COL15A1: variants seen among roughly 807,000 people sequenced by gnomAD.
The protein encoded by COL15A1 is collagen alpha-1(XV) chain.
Under a neutral mutation model 165.9 loss-of-function variants are expected in COL15A1, and 111 were observed. The observed-to-expected ratio is 0.67, with a 90% CI of 0.57 to 0.78. The LOEUF is 0.78. Among genes scored for constraint, COL15A1 ranks in the 30% least tolerant of loss-of-function variants. The pLI, the probability that COL15A1 is intolerant of heterozygous loss-of-function variation, is 0.00. For synonymous variants in COL15A1, 659 were observed against 674.8 expected, an observed-to-expected ratio of 0.98 and a Z score of 0.36; for missense variants, 1,745 against 1,789.7, an observed-to-expected ratio of 0.98 and a Z score of 0.45.
At chr9:99,057,388 A>G (rs1419702987) in intron 35 of COL15A1, among the ~76,000 whole-genome samples, 1 of 152,194 alleles carries the variant, frequency 6.6e-6, no homozygotes, top group African/African-American at 2.4e-5. Flanking sequence ...TGTCTTAATG[A>G]CCAGCAGTGA....
intron 26 of COL15A1, among the ~76,000 whole-genome samples, chr9:99,045,747 G>A (rs1839482875): frequency 6.6e-6 from 1 of 152,218 alleles, no homozygotes; most frequent in South Asian, 2.1e-4. Context: ...AGCCAGTCAG[G>A]CTTTAGGTCC....
chr9:99,008,306 G>A (rs763224834), intron 9 of COL15A1, among the ~76,000 whole-genome samples: 2 of 152,186 alleles, frequency 1.3e-5, no homozygotes, highest in Admixed American at 6.5e-5. Flanking sequence ...CTTACCACAG[G>A]TCAGGAACCT....
Position 98,944,024 on chromosome 9 carries a change from C to T in COL15A1, c.-38C>T. ...CGCTAAGCTCCAACGCTCTGCTCGA[C>T]TAGCCGCGCGCCTTCCGGGGCTCCG... On this transcript the variant is annotated 5_prime_UTR_variant, in exon 1 of 42. Coordinates refer to ENST00000375001, the MANE Select transcript of COL15A1 (RefSeq NM_001855.5). The T allele has an allele frequency of 6.2e-7, 1 of 1,613,430 alleles. No homozygotes were observed. Among genetic ancestry groups the T allele is most frequent in the Non-Finnish European group, 8.5e-7 (1 of 1,179,614 alleles).
At chr9:99,010,146 GGT>G (rs1162192013) in intron 9 of COL15A1, among the ~76,000 whole-genome samples, 1 of 152,202 alleles carries the variant, frequency 6.6e-6, no homozygotes, top group African/African-American at 2.4e-5. Context: ...AGGATCTGTA[GGT>G]GAGGCTTTAA....
At chr9:99,046,376 C>G (rs1207553054) in intron 26 of COL15A1, among the ~76,000 whole-genome samples, 1 of 152,218 alleles carries the variant, frequency 6.6e-6, no homozygotes, top group Non-Finnish European at 1.5e-5. Context: ...AGGCCCCACC[C>G]AAGACATACT....
At chr9:99,005,554 C>T (rs1330339349) in intron 9 of COL15A1, among the ~76,000 whole-genome samples, 2 of 152,184 alleles carry the variant, frequency 1.3e-5, no homozygotes. Context: ...CAAGTTCTTC[C>T]AGCTCAGCTG....
chr9:98,976,884 C>A (rs1838149950), intron 2 of COL15A1, among the ~76,000 whole-genome samples: 1 of 152,026 alleles, frequency 6.6e-6, no homozygotes, highest in Non-Finnish European at 1.5e-5. Flanking sequence ...GTGGGGGAAT[C>A]CAAGAAGACT....
rs977012177 is a variant in COL15A1, at chr9:98,962,527, A to AAC, written c.100+18287_100+18288dup. Among the ~76,000 whole-genome samples, 10 of 152,356 alleles carry AAC rather than the reference A, an allele frequency of 6.6e-5. No individual in the cohort carries two copies. The South Asian group carries it at 8.3e-4, about 13-fold the overall frequency. On this transcript the variant is annotated intron_variant, in intron 2 of 41. Coordinates refer to ENST00000375001, the MANE Select transcript of COL15A1 (RefSeq NM_001855.5). ...GGAACATTTTTATATTATTAAAACA[A>AAC]ACACACACACATGTTTGGAGTGGAA...
rs2118962446 is a variant in COL15A1 at position 99,006,527 on chromosome 9, G to T, written c.1353+1477G>T. 2.0e-5 allele frequency among the ~76,000 whole-genome samples: 3 copies of T among 152,328 alleles called. 1 individual carries two copies. In the Middle Eastern group the frequency reaches 0.01, roughly 518 times the overall value. ...CCATGCTGGGAGACCTTGCAGTGTG[G>T]CTGGGGGTGGAGGTGGGGGACATGC... On this transcript the variant is annotated intron_variant, in intron 9 of 41. Coordinates refer to ENST00000375001, the MANE Select transcript of COL15A1 (RefSeq NM_001855.5).
intron 9 of COL15A1, among the ~76,000 whole-genome samples, chr9:99,010,938 A>G (rs1009344343): frequency 6.6e-6 from 1 of 152,342 alleles, no homozygotes; most frequent in Non-Finnish European, 1.5e-5. Context: ...TCTATGGGGA[A>G]TATTATATTG....
chr9:98,987,482 C>T lies in COL15A1; in HGVS notation c.723+114C>T. The T allele has an allele frequency of 3.2e-6, 3 of 952,124 alleles. No homozygotes were observed. In the South Asian group the frequency reaches 5.0e-5, roughly 16 times the overall value. The allele number at this position is 952,124 out of a possible 1,614,324, so 59.0% of individuals were successfully genotyped here. On this transcript the variant is annotated intron_variant, in intron 4 of 41. Coordinates refer to ENST00000375001, the MANE Select transcript of COL15A1 (RefSeq NM_001855.5). The stretch of plus-strand genomic sequence containing the variant: ...TTTCTGAAACCTCTCATTTTGGCAA[C>T]TGCTGCCTCAAGTCCTATTTTGGGC...
Position 99,056,277 on chromosome 9 carries a change from A to G in COL15A1, c.3210A>G (p.Thr1070=). Residue 1070 remains threonine, a synonymous_variant, in exon 35 of 42, where the codon ACA becomes ACG. Coordinates refer to ENST00000375001, the MANE Select transcript of COL15A1 (RefSeq NM_001855.5). Reference sequence around the variant, plus strand: ...CTTGACAGGGCCAAAAAGGGGAGACAGTCGTTGGGCCCCAAGGACCCCCAG... The same window carrying G: ...CTTGACAGGGCCAAAAAGGGGAGACGGTCGTTGGGCCCCAAGGACCCCCAG... ...NPGPAGQKGE[T]VVGPQGPPGA... 4 of 1,614,246 alleles carry G rather than the reference A, an allele frequency of 2.5e-6. No homozygotes were observed. Among genetic ancestry groups the G allele is most frequent in the Non-Finnish European group, 3.4e-6 (4 of 1,180,032 alleles).
chr9:99,053,731 C>T (rs1203725606), intron 31 of COL15A1, among the ~76,000 whole-genome samples: 1 of 152,160 alleles, frequency 6.6e-6, no homozygotes, highest in Non-Finnish European at 1.5e-5. Flanking sequence ...CCCTACTGAC[C>T]CCCTGTTGAC....
chr9:98,958,356 C>T (rs572880646), intron 2 of COL15A1, among the ~76,000 whole-genome samples: 1 of 152,350 alleles, frequency 6.6e-6, no homozygotes, highest in East Asian at 1.9e-4. Flanking sequence ...CTGTTCATCT[C>T]ACTGCTGAGC....
intron 35 of COL15A1, 121 bp downstream of exon 35, chr9:99,056,525 T>C: frequency 3.0e-5 from 41 of 1,389,284 alleles, no homozygotes; most frequent in Non-Finnish European, 3.9e-5. Flanking sequence ...GATACCGCCT[T>C]CTTTCTTTTT....
chr9:99,050,007 T>C, intron 30 of COL15A1, 112 bp downstream of exon 30: 4 of 1,447,240 alleles, frequency 2.8e-6, no homozygotes, highest in Non-Finnish European at 3.8e-6. Flanking sequence ...CTCTCTGATG[T>C]CTTCTGTCCC....
intron 21 of COL15A1, 64 bp downstream of exon 21, chr9:99,036,460 G>T: frequency 1.3e-6 from 2 of 1,565,980 alleles, no homozygotes; most frequent in African/African-American, 1.4e-5. Context: ...GGAGGAGAAG[G>T]TTGTCCATGA....
intron 31 of COL15A1, among the ~76,000 whole-genome samples, chr9:99,054,147 G>A (rs916117838): frequency 5.9e-5 from 9 of 152,178 alleles, no homozygotes; most frequent in Non-Finnish European, 1.2e-4. Flanking sequence ...GGGCACTCTT[G>A]GGAGAGCCCT....
rs528918064 is a variant in COL15A1 at position 99,023,161 on chromosome 9, A to G, written c.1762-196A>G. Among the ~76,000 whole-genome samples, 3 of 152,318 alleles carry G rather than the reference A, an allele frequency of 2.0e-5. No individual in the cohort carries two copies. The South Asian group carries it at 6.2e-4, about 32-fold the overall frequency. On this transcript the variant is annotated intron_variant, in intron 13 of 41. Coordinates refer to ENST00000375001, the MANE Select transcript of COL15A1 (RefSeq NM_001855.5). ...GAGGCCGAGGACATGAGTGGGCTGCACAGCTGGGAGGCGGCAAGAGAGAAG... is the reference window on the plus strand; with the variant it reads ...GAGGCCGAGGACATGAGTGGGCTGCGCAGCTGGGAGGCGGCAAGAGAGAAG...
Sources: gnomAD v4.1 joint callset for allele counts (sites outside exome capture counted in the v4.1 genomes callset) on GRCh38, gnomAD v4.1.1 for gene constraint, MANE v1.5 for transcripts, NCBI Gene and HGNC (gene_info 2026-07-23, HGNC 2026-07-21) for gene names.